The following OTUD7A variants were observed in gnomAD, a reference collection of about 807,000 sequenced individuals.
OTUD7A encodes the protein OTU deubiquitinase 7A.
Under a neutral mutation model 65.7 loss-of-function variants are expected in OTUD7A, and 12 were observed. That is an observed-to-expected ratio of 0.18 (90% CI 0.12 to 0.30). OTUD7A has a LOEUF of 0.30. OTUD7A is among the 10% of genes least tolerant of loss of function. The probability of loss-of-function intolerance (pLI) is 1.00; values close to 1 mark genes in which losing one functional copy is unlikely to be tolerated. For synonymous variants in OTUD7A, 641 were observed against 586.3 expected, an observed-to-expected ratio of 1.09 and a Z score of -1.35; for missense variants, 1,148 against 1,304.8, an observed-to-expected ratio of 0.88 and a Z score of 1.85.
intron 9 of OTUD7A, among the ~76,000 whole-genome samples, chr15:31,503,365 G>A (rs1282377858): frequency 6.6e-6 from 1 of 152,214 alleles, no homozygotes; most frequent in East Asian, 1.9e-4. Flanking sequence ...AGTGCCTCCA[G>A]GACATGGCCC....
At chr15:31,595,856 A>T (rs1341569622) in intron 3 of OTUD7A, among the ~76,000 whole-genome samples, 2 of 151,964 alleles carry the variant, frequency 1.3e-5, no homozygotes, top group African/African-American at 2.4e-5. Context: ...GCTGGAGGTC[A>T]CTGTCAGTGT....
intron 3 of OTUD7A, among the ~76,000 whole-genome samples, chr15:31,632,674 G>T (rs4779546): frequency 0.17 from 25,863 of 152,226 alleles, 2,449 homozygotes; most frequent in East Asian, 0.25. Flanking sequence ...ATTTAAGTTT[G>T]CAGAGGTTAC....
At chr15:31,824,777 A>G (rs539433281) in intron 1 of OTUD7A, among the ~76,000 whole-genome samples, 1 of 152,276 alleles carries the variant, frequency 6.6e-6, no homozygotes, top group Non-Finnish European at 1.5e-5. Flanking sequence ...TCTTATTTTT[A>G]TGTTTATACA....
At chr15:31,729,744 G>C (rs1466594515) in intron 1 of OTUD7A, among the ~76,000 whole-genome samples, 2 of 152,120 alleles carry the variant, frequency 1.3e-5, no homozygotes, top group African/African-American at 4.8e-5. Flanking sequence ...CACTCTCCTT[G>C]GAGGGCAAGG....
At chr15:31,848,677 A>G (rs1897346038) in intron 1 of OTUD7A, among the ~76,000 whole-genome samples, 1 of 152,110 alleles carries the variant, frequency 6.6e-6, no homozygotes, top group Non-Finnish European at 1.5e-5. Flanking sequence ...GTATTTTTTA[A>G]TCTCGTTGAT....
intron 1 of OTUD7A, among the ~76,000 whole-genome samples, chr15:31,711,212 A>T (rs559514897): frequency 6.6e-6 from 1 of 152,192 alleles, no homozygotes; most frequent in African/African-American, 2.4e-5. Context: ...AACACATAAG[A>T]AACAAAGATG....
At chr15:31,491,133 A>G (rs888092199) in intron 10 of OTUD7A, among the ~76,000 whole-genome samples, 2 of 152,080 alleles carry the variant, frequency 1.3e-5, no homozygotes, top group Non-Finnish European at 2.9e-5. Flanking sequence ...GGAAAGATAA[A>G]AAAAAAAACC....
intron 1 of OTUD7A, among the ~76,000 whole-genome samples, chr15:31,684,550 G>A (rs1438455277): frequency 6.6e-6 from 1 of 151,336 alleles, no homozygotes; most frequent in East Asian, 1.9e-4. Context: ...AGGCTCAAAT[G>A]AGGAAGCATT....
chr15:31,523,746 C>A (rs1032094017), intron 8 of OTUD7A, among the ~76,000 whole-genome samples: 4 of 152,212 alleles, frequency 2.6e-5, no homozygotes, highest in Non-Finnish European at 5.9e-5. Flanking sequence ...GCCCTCAAGC[C>A]CCAGAGATGA....
At chr15:31,619,160 C>T (rs1161452458) in intron 3 of OTUD7A, among the ~76,000 whole-genome samples, 1 of 152,192 alleles carries the variant, frequency 6.6e-6, no homozygotes, top group Non-Finnish European at 1.5e-5. Flanking sequence ...CAGTACCATG[C>T]TGTTTTGGTT....
chr15:31,627,011 G>A (rs569553035), intron 3 of OTUD7A, among the ~76,000 whole-genome samples: 1 of 151,970 alleles, frequency 6.6e-6, no homozygotes, highest in African/African-American at 2.4e-5. Flanking sequence ...TGCTAATGGG[G>A]GGTCTCTCCT....
chr15:31,653,217 T>C (rs2141275826), intron 3 of OTUD7A, among the ~76,000 whole-genome samples: 1 of 150,612 alleles, frequency 6.6e-6, no homozygotes, highest in South Asian at 2.1e-4. Context: ...ATAGCGCCAC[T>C]GCACTCCAGC....
chr15:31,771,542 T>C (rs927937225), intron 1 of OTUD7A, among the ~76,000 whole-genome samples: 2 of 152,184 alleles, frequency 1.3e-5, no homozygotes, highest in African/African-American at 4.8e-5. Flanking sequence ...AAATACATCA[T>C]GAATGCACGT....
At chr15:31,788,281 T>C (rs117247142) in intron 1 of OTUD7A, among the ~76,000 whole-genome samples, 1,820 of 152,304 alleles carry the variant, frequency 0.012, 19 homozygotes, top group Non-Finnish European at 0.019. Context: ...AAAGGACTCT[T>C]TGGGCTACAA....
intron 3 of OTUD7A, among the ~76,000 whole-genome samples, chr15:31,570,442 TACACAC>T (rs57517466): frequency 0.019 from 2,708 of 143,276 alleles, 76 homozygotes; most frequent in African/African-American, 0.06. Flanking sequence ...TTTAGGTTCA[TACACAC>T]ACACACACAC....
intron 3 of OTUD7A, among the ~76,000 whole-genome samples, chr15:31,637,834 G>A (rs1219732106): frequency 6.6e-6 from 1 of 152,218 alleles, no homozygotes; most frequent in Non-Finnish European, 1.5e-5. Context: ...AGTGGAGTCT[G>A]AAGATGTGAC....
At chr15:31,581,685 T>G (rs558916938) in intron 3 of OTUD7A, among the ~76,000 whole-genome samples, 1 of 152,188 alleles carries the variant, frequency 6.6e-6, no homozygotes, top group South Asian at 2.1e-4. Context: ...TGGCTGGGAT[T>G]TGAGACTGCA....
At chr15:31,675,698 A>C (rs7163609) in intron 1 of OTUD7A, among the ~76,000 whole-genome samples, 26,676 of 152,186 alleles carry the variant, frequency 0.18, 2,601 homozygotes, top group East Asian at 0.25. Context: ...ATCAACATCC[A>C]AAAATCAACA....
intron 1 of OTUD7A, among the ~76,000 whole-genome samples, chr15:31,778,549 G>C (rs1283960335): frequency 6.6e-6 from 1 of 152,208 alleles, no homozygotes; most frequent in Non-Finnish European, 1.5e-5. Flanking sequence ...TGTCCCTCGT[G>C]AGGCAGCCCT....
Sources: gnomAD v4.1 joint callset for allele counts (sites outside exome capture counted in the v4.1 genomes callset) on GRCh38, gnomAD v4.1.1 for gene constraint, MANE v1.5 for transcripts, NCBI Gene and HGNC (gene_info 2026-07-23, HGNC 2026-07-21) for gene names.